CENPP: variants seen among roughly 807,000 people sequenced by gnomAD.
The protein encoded by CENPP is centromere protein P.
Under a neutral mutation model 35.6 loss-of-function variants are expected in CENPP, and 24 were observed. The observed-to-expected ratio is 0.67, with a 90% CI of 0.49 to 0.95. The LOEUF (loss-of-function observed/expected upper bound fraction) is 0.95, where lower values mean the gene tolerates loss of function less well. Among genes scored for constraint, CENPP ranks in the 40% least tolerant of loss-of-function variants. The probability of loss-of-function intolerance (pLI) is 0.00; values close to 1 mark genes in which losing one functional copy is unlikely to be tolerated. For missense variants in CENPP, 332 were observed against 345.3 expected, an observed-to-expected ratio of 0.96 and a Z score of 0.31; for synonymous variants, 120 against 125.5, an observed-to-expected ratio of 0.96 and a Z score of 0.29.
chr9:92,601,197 C>A lies in CENPP; in HGVS notation c.565-10117C>A, dbSNP rs530696498. The stretch of plus-strand genomic sequence containing the variant: ...CATGGACGTATTTACTTCAAAAACA[C>A]AAATAGAGTCTAGAAAAACTGGTTA... On this transcript the variant is annotated intron_variant, in intron 5 of 7. Coordinates refer to ENST00000375587, the MANE Select transcript of CENPP (RefSeq NM_001012267.3). Among the ~76,000 whole-genome samples, 2 of 152,294 alleles carry A rather than the reference C, an allele frequency of 1.3e-5. 1 individual carries two copies. Among genetic ancestry groups the A allele is most frequent in the South Asian group, 4.1e-4 (2 of 4,828 alleles).
At chr9:92,558,101 G>A (rs1448254801) in intron 5 of CENPP, among the ~76,000 whole-genome samples, 1 of 152,038 alleles carries the variant, frequency 6.6e-6, no homozygotes, top group Non-Finnish European at 1.5e-5. Context: ...GTCCCTCCCT[G>A]ATTAGCTTAA....
intron 5 of CENPP, among the ~76,000 whole-genome samples, chr9:92,381,981 G>A (rs1842259291): frequency 6.6e-6 from 1 of 151,268 alleles, no homozygotes. Flanking sequence ...CCTCCTAATG[G>A]TTAGTGATGT....
At chr9:92,402,082 GAGA>G (rs1367645728) in intron 5 of CENPP, among the ~76,000 whole-genome samples, 2 of 152,164 alleles carry the variant, frequency 1.3e-5, no homozygotes, top group Non-Finnish European at 2.9e-5. Flanking sequence ...GCCCTGTAAA[GAGA>G]AGAAGCAGAG....
intron 3 of CENPP, 141 bp from the exon 4 acceptor site, chr9:92,345,558 C>G: frequency 9.6e-6 from 5 of 522,698 alleles, no homozygotes; most frequent in Admixed American, 3.6e-5. Flanking sequence ...TGAGATTGAA[C>G]TTTTTTTGTT....
intron 5 of CENPP, among the ~76,000 whole-genome samples, chr9:92,486,608 T>C (rs1327473280): frequency 2.6e-5 from 4 of 152,204 alleles, no homozygotes; most frequent in Admixed American, 2.6e-4. Flanking sequence ...GCTCTTCCTG[T>C]TGCAGGGACT....
chr9:92,403,192 G>T, intron 5 of CENPP: 1 of 1,329,584 alleles, frequency 7.5e-7, no homozygotes, highest in Non-Finnish European at 1.0e-6. Flanking sequence ...CATTTAAATG[G>T]GCAGTATTTT....
intron 4 of CENPP, among the ~76,000 whole-genome samples, chr9:92,363,527 G>A (rs1253828738): frequency 6.6e-6 from 1 of 152,146 alleles, no homozygotes; most frequent in Non-Finnish European, 1.5e-5. Flanking sequence ...GCCTCGGTTT[G>A]CAGTAGGCTG....
rs772134102 is a variant in CENPP at position 92,511,962 on chromosome 9, T to C, written c.565-99352T>C. 22 of 1,402,278 alleles carry C rather than the reference T, an allele frequency of 1.6e-5. No individual in the cohort carries two copies. The East Asian group carries it at 4.9e-4, about 31-fold the overall frequency. 86.9% of individuals were successfully genotyped at this position (1,402,278 alleles called of 1,614,324 possible). A position where few individuals can be genotyped will look rare whatever the true frequency, so the allele number is the denominator to read the frequency against. On this transcript the variant is annotated intron_variant, in intron 5 of 7. Coordinates refer to ENST00000375587, the MANE Select transcript of CENPP (RefSeq NM_001012267.3). ...CTTCCCCATCTCCAACCAATGCAAG[T>C]CATAGTGAAGCCATTCATCCAAATA...
At chr9:92,488,057 C>A (rs764905069) in intron 5 of CENPP, among the ~76,000 whole-genome samples, 3 of 152,032 alleles carry the variant, frequency 2.0e-5, no homozygotes, top group African/African-American at 7.3e-5. Flanking sequence ...TAGCTTAGGC[C>A]GAGCTATGAC....
rs752218848 is a variant in CENPP, at chr9:92,612,548, A to G, written c.670A>G (p.Ile224Val). The change falls in exon 7 of 8, where the codon ATA becomes GTA. Residue 224 changes from isoleucine (I) to valine (V), a missense_variant. Ile to Val is a conservative substitution (Grantham distance 29, BLOSUM62 3). Coordinates refer to ENST00000375587, the MANE Select transcript of CENPP (RefSeq NM_001012267.3). ...PGFELVIVWRIQIDEDGKVFP... is the reference protein window; with the variant it reads ...PGFELVIVWRVQIDEDGKVFP... ...GTTTGAATTAGTCATTGTTTGGAGG[A>G]TACAAATAGATGAAGATGGGAAGGT... 2 of 1,613,832 alleles carry G rather than the reference A, an allele frequency of 1.2e-6. No individual in the cohort carries two copies. Among genetic ancestry groups the G allele is most frequent in the East Asian group, 2.2e-5 (1 of 44,896 alleles).
intron 5 of CENPP, among the ~76,000 whole-genome samples, chr9:92,521,107 G>A (rs1848040268): frequency 6.6e-6 from 1 of 152,166 alleles, no homozygotes; most frequent in Admixed American, 6.5e-5. Flanking sequence ...TAAATTTTGT[G>A]TTATGTGTGG....
intron 3 of CENPP, among the ~76,000 whole-genome samples, chr9:92,342,516 CAGAA>C (rs1841154517): frequency 6.6e-6 from 1 of 152,220 alleles, no homozygotes; most frequent in Non-Finnish European, 1.5e-5. Context: ...CAAAGTGCTA[CAGAA>C]AGAGTGTGTT....
intron 5 of CENPP, among the ~76,000 whole-genome samples, chr9:92,436,547 T>C (rs1386379025): frequency 1.3e-5 from 2 of 152,244 alleles, no homozygotes; most frequent in African/African-American, 2.4e-5. Context: ...ATTTTACTTT[T>C]ATGATTCATT....
At chr9:92,387,883 C>T (rs1202393443) in intron 5 of CENPP, among the ~76,000 whole-genome samples, 1 of 152,030 alleles carries the variant, frequency 6.6e-6, no homozygotes, top group Non-Finnish European at 1.5e-5. Flanking sequence ...CCTGCCTCAG[C>T]CTCCTGAGTA....
rs559683619 is a variant in CENPP, at chr9:92,387,342, C to CTCCA, written c.564+7484_564+7487dup. Among the ~76,000 whole-genome samples, 7 of 151,442 alleles carry CTCCA rather than the reference C, an allele frequency of 4.6e-5. No homozygotes were observed. The East Asian group carries it at 1.4e-3, about 30-fold the overall frequency. ...AGTGAGCCGAGATTGTGCCACTGCACTCCAGCCTGGGCCACAGAACGAGAC... is the reference window on the plus strand; with the variant it reads ...AGTGAGCCGAGATTGTGCCACTGCACTCCATCCAGCCTGGGCCACAGAACGAGAC... On this transcript the variant is annotated intron_variant, in intron 5 of 7. Transcript: ENST00000375587.
At chr9:92,582,343 C>T (rs556190388) in intron 5 of CENPP, among the ~76,000 whole-genome samples, 1 of 152,250 alleles carries the variant, frequency 6.6e-6, no homozygotes, top group African/African-American at 2.4e-5. Context: ...CAGGCATGAA[C>T]TACCACACCT....
chr9:92,580,371 G>T (rs1439995563), intron 5 of CENPP, among the ~76,000 whole-genome samples: 1 of 152,142 alleles, frequency 6.6e-6, no homozygotes, highest in East Asian at 1.9e-4. Flanking sequence ...AGTTTCAGAA[G>T]GAATGGTACC....
intron 5 of CENPP, among the ~76,000 whole-genome samples, chr9:92,428,235 C>T (rs944850930): frequency 3.3e-5 from 5 of 152,118 alleles, no homozygotes; most frequent in African/African-American, 7.2e-5. Context: ...GTAAATGGTG[C>T]CCCCATGCCA....
rs1406763068 is a variant in CENPP, at chr9:92,616,103, A to G, written c.*2954A>G. The G allele has an allele frequency of 2.2e-6, 3 of 1,340,944 alleles. No individual in the cohort carries two copies. The highest frequency in any genetic ancestry group is 3.2e-6 in the Non-Finnish European group (3 of 948,432). The allele number at this position is 1,340,944 out of a possible 1,614,324, so 83.1% of individuals were successfully genotyped here. ...TTCAGGATACACAAGCCCCCCATTC[A>G]TTTCCCTCCCTCCCGTTCTCTCTCC... is the stretch of plus-strand genomic sequence containing the variant. On this transcript the variant is annotated 3_prime_UTR_variant, in exon 8 of 8. Transcript: ENST00000375587.
Sources: allele counts gnomAD v4.1 joint callset (sites outside exome capture counted in the v4.1 genomes callset), GRCh38; gene constraint gnomAD v4.1.1; transcripts MANE v1.5; gene names NCBI Gene and HGNC (gene_info 2026-07-23, HGNC 2026-07-21).